Variants in PPP2R2B observed in about 807,000 individuals in gnomAD.
PPP2R2B encodes serine/threonine-protein phosphatase 2A 55 kDa regulatory subunit B beta isoform.
Under a neutral mutation model 46.0 loss-of-function variants are expected in PPP2R2B, and 5 were observed. The ratio of observed to expected loss-of-function variants is 0.11; its 90% CI spans 0.06 to 0.23. PPP2R2B has a LOEUF of 0.23. PPP2R2B is among the 10% of genes least tolerant of loss of function. The pLI, the probability that PPP2R2B is intolerant of heterozygous loss-of-function variation, is 1.00. For missense variants in PPP2R2B, 367 were observed against 575.0 expected (o/e 0.64, Z 3.70); for synonymous variants, 215 against 206.7 (o/e 1.04, Z -0.34).
At chr5:146,980,989 A>G (rs1753147083) in intron 1 of PPP2R2B, among the ~76,000 whole-genome samples, 1 of 152,192 alleles carries the variant, frequency 6.6e-6, no homozygotes, top group South Asian at 2.1e-4. Flanking sequence ...AAAAAGACTA[A>G]ATAAAAAGAT....
chr5:147,043,923 A>G (rs1451999340), intron 1 of PPP2R2B, among the ~76,000 whole-genome samples: 1 of 151,782 alleles, frequency 6.6e-6, no homozygotes, highest in Non-Finnish European at 1.5e-5. Context: ...TCCAAATCCC[A>G]CCTCTCCTGC....
intron 2 of PPP2R2B, among the ~76,000 whole-genome samples, chr5:146,845,416 A>C (rs959710292): frequency 6.7e-6 from 1 of 150,074 alleles, no homozygotes; most frequent in Admixed American, 6.7e-5. Flanking sequence ...TGCCTGGCTA[A>C]ATTTTTTTTT....
chr5:147,018,019 T>G, intron 1 of PPP2R2B, among the ~76,000 whole-genome samples: 1 of 147,350 alleles, frequency 6.8e-6, no homozygotes, highest in Non-Finnish European at 1.5e-5. Flanking sequence ...AATTATAGTC[T>G]ACGACACACA....
At chr5:146,749,178 T>A (rs1248646426) in intron 2 of PPP2R2B, among the ~76,000 whole-genome samples, 1 of 152,252 alleles carries the variant, frequency 6.6e-6, no homozygotes, top group Non-Finnish European at 1.5e-5. Context: ...TCATTTGCTG[T>A]GCTTATTGGT....
Position 146,827,018 on chromosome 5 carries a change from C to T in PPP2R2B, c.70+50984G>A, listed in dbSNP as rs143680626. On this transcript the variant is annotated intron_variant, in intron 2 of 9. Transcript: ENST00000394411. ...ATATTTGAACTAAAGTTAGCACTTA[C>T]ATTTTATTGAAACTGCTTAAGTTTC... Among the ~76,000 whole-genome samples the T allele has an allele frequency of 5.4e-3, 818 of 152,316 alleles. 7 individuals are homozygous for T. The highest frequency in any genetic ancestry group is 0.019 in the African/African-American group (783 of 41,572).
At chr5:146,689,175 T>G (rs894648077) in intron 5 of PPP2R2B, among the ~76,000 whole-genome samples, 4 of 152,170 alleles carry the variant, frequency 2.6e-5, no homozygotes, top group Admixed American at 6.5e-5. Flanking sequence ...GAGTGCTTTT[T>G]GTGAGCCAGC....
chr5:146,837,377 T>C (rs1274581904), intron 2 of PPP2R2B, among the ~76,000 whole-genome samples: 1 of 152,220 alleles, frequency 6.6e-6, no homozygotes, highest in East Asian at 1.9e-4. Flanking sequence ...TGACTTAAGA[T>C]ATTTTCAACT....
chr5:146,686,089 C>T (rs555157018), intron 5 of PPP2R2B, among the ~76,000 whole-genome samples: 114 of 152,302 alleles, frequency 7.5e-4, no homozygotes, highest in African/African-American at 2.7e-3. Context: ...GTTTTCTAGC[C>T]ATGAGATTTT....
chr5:146,633,447 G>A (rs1309416760), intron 7 of PPP2R2B, among the ~76,000 whole-genome samples: 2 of 152,270 alleles, frequency 1.3e-5, no homozygotes, highest in African/African-American at 2.4e-5. Flanking sequence ...TGTCAGGCGA[G>A]GGGTCAGATT....
upstream of PPP2R2B, among the ~76,000 whole-genome samples, chr5:147,059,413 G>T (rs564132562): frequency 3.3e-5 from 5 of 152,284 alleles, no homozygotes; most frequent in South Asian, 1.0e-3. Flanking sequence ...CTCTGTAAGT[G>T]GCATTAGTCT....
chr5:146,743,448 A>G (rs1288619930), intron 2 of PPP2R2B, among the ~76,000 whole-genome samples: 1 of 152,212 alleles, frequency 6.6e-6, no homozygotes, highest in Non-Finnish European at 1.5e-5. Flanking sequence ...GATATTCTTT[A>G]CAAAAGAAGG....
At chr5:146,868,436 A>G (rs566341624) in intron 2 of PPP2R2B, among the ~76,000 whole-genome samples, 1 of 152,328 alleles carries the variant, frequency 6.6e-6, no homozygotes, top group African/African-American at 2.4e-5. Flanking sequence ...ACATCAGAAC[A>G]TATCAAAGAG....
chr5:146,856,621 G>C, intron 2 of PPP2R2B: 2 of 1,448,220 alleles, frequency 1.4e-6, no homozygotes, highest in Non-Finnish European at 1.9e-6. Context: ...GACTCCAGGA[G>C]GTAGTGATGC....
chr5:147,048,583 C>T (rs528843817), intron 1 of PPP2R2B, among the ~76,000 whole-genome samples: 1 of 152,066 alleles, frequency 6.6e-6, no homozygotes, highest in Non-Finnish European at 1.5e-5. Flanking sequence ...GAATATGATG[C>T]CCCATTCATT....
chr5:146,736,182 G>A (rs1475616021), intron 2 of PPP2R2B, among the ~76,000 whole-genome samples: 2 of 152,170 alleles, frequency 1.3e-5, no homozygotes, highest in African/African-American at 4.8e-5. Flanking sequence ...ATGTGAAGAA[G>A]GATGTGTTTG....
intron 1 of PPP2R2B, among the ~76,000 whole-genome samples, chr5:146,935,462 G>C (rs1329332820): frequency 1.3e-5 from 2 of 152,150 alleles, no homozygotes. Flanking sequence ...CTATGACACT[G>C]TCTAATGAAG....
chr5:146,989,379 A>T (rs901219354), intron 1 of PPP2R2B, among the ~76,000 whole-genome samples: 1 of 152,138 alleles, frequency 6.6e-6, no homozygotes, highest in African/African-American at 2.4e-5. Context: ...ATTCAACAAC[A>T]CATTAGAAAG....
rs1158932364 is a variant in PPP2R2B at position 146,761,500 on chromosome 5, A to T, written c.71-60358T>A. On this transcript the variant is annotated intron_variant, in intron 2 of 9. Transcript: ENST00000394411. The stretch of plus-strand genomic sequence containing the variant: ...GGACACAGGAAGGGGAACATCACAC[A>T]CTGGGGACTGTTGTGGGGTGTGGGA... 2.0e-5 allele frequency among the ~76,000 whole-genome samples: 3 copies of T among 152,224 alleles called. No homozygotes were observed. The East Asian group carries it at 5.8e-4, about 29-fold the overall frequency.
intron 6 of PPP2R2B, among the ~76,000 whole-genome samples, chr5:146,640,516 C>T (rs921672600): frequency 2.0e-4 from 30 of 152,204 alleles, no homozygotes; most frequent in South Asian, 2.1e-4. Flanking sequence ...GTTGGGTAAA[C>T]GGAGGTTAGT....
Sources: gnomAD v4.1 joint callset for allele counts (sites outside exome capture counted in the v4.1 genomes callset) on GRCh38, gnomAD v4.1.1 for gene constraint, MANE v1.5 for transcripts, NCBI Gene and HGNC (gene_info 2026-07-23, HGNC 2026-07-21) for gene names.